CENPP: variants seen among roughly 807,000 people sequenced by gnomAD.
CENPP encodes centromere protein P.
CENPP carries 24 observed loss-of-function variants against 35.6 expected under a neutral mutation model. The observed-to-expected ratio is 0.67, with a 90% CI of 0.49 to 0.95. CENPP has a LOEUF of 0.95. Ranked by LOEUF, CENPP falls within the 40% of genes least tolerant of loss-of-function variation. CENPP has a pLI of 0.00. For synonymous variants in CENPP, 120 were observed against 125.5 expected, an observed-to-expected ratio of 0.96 and a Z score of 0.29; for missense variants, 332 against 345.3, an observed-to-expected ratio of 0.96 and a Z score of 0.31.
chr9:92,612,654 C>A, intron 7 of CENPP, 40 bp downstream of exon 7: 1 of 1,476,782 alleles, frequency 6.8e-7, no homozygotes, highest in Non-Finnish European at 9.5e-7. Context: ...GACTTCTCAA[C>A]ATGCCCAGCA....
At chr9:92,494,118 T>G (rs1456427863) in intron 5 of CENPP, 1 of 1,598,004 alleles carries the variant, frequency 6.3e-7, no homozygotes. Flanking sequence ...GATCTGTTTG[T>G]CACTGTCTCT....
Position 92,393,951 on chromosome 9 carries a change from C to G in CENPP, c.564+14092C>G, listed in dbSNP as rs186136761. On this transcript the variant is annotated intron_variant, in intron 5 of 7. Transcript: ENST00000375587. Reference sequence around the variant, plus strand: ...CCATTCCTGATAATATCTTTGGTCACTTGGTTCAACTAGTATTTGCCATGT... The same window carrying G: ...CCATTCCTGATAATATCTTTGGTCAGTTGGTTCAACTAGTATTTGCCATGT... Among the ~76,000 whole-genome samples, 292 of 152,240 alleles carry G rather than the reference C, an allele frequency of 1.9e-3. 2 individuals carry two copies. Among genetic ancestry groups the G allele is most frequent in the Middle Eastern group, 0.017 (5 of 294 alleles).
At chr9:92,490,021 C>T (rs1846140843) in intron 5 of CENPP, among the ~76,000 whole-genome samples, 1 of 152,236 alleles carries the variant, frequency 6.6e-6, no homozygotes, top group Admixed American at 6.5e-5. Context: ...ATTCACCACA[C>T]TCAGAGGCCT....
intron 5 of CENPP, among the ~76,000 whole-genome samples, chr9:92,520,350 C>T (rs148111276): frequency 1.3e-5 from 2 of 152,168 alleles, no homozygotes; most frequent in Admixed American, 1.3e-4. Flanking sequence ...TGCAGATAGA[C>T]AACATGCACA....
chr9:92,469,798 T>C (rs566876195), intron 5 of CENPP, among the ~76,000 whole-genome samples: 6 of 152,280 alleles, frequency 3.9e-5, no homozygotes, highest in African/African-American at 1.2e-4. Context: ...GAGGTGCTCC[T>C]CCAAACCCAA....
rs183237453 is a variant in CENPP at position 92,448,463 on chromosome 9, G to T, written c.564+68604G>T. 4.6e-5 allele frequency among the ~76,000 whole-genome samples: 7 copies of T among 151,954 alleles called. No individual in the cohort carries two copies. In the South Asian group the frequency reaches 1.3e-3, roughly 27 times the overall value. ...TTTTTTGTATTTTTGGTAGAGACGG[G>T]GTTTCACCATTTTGGCAGGCTGGTC... On this transcript the variant is annotated intron_variant, in intron 5 of 7. Transcript: ENST00000375587.
At chr9:92,358,952 C>CTTTCT (rs1554753601) in intron 4 of CENPP, among the ~76,000 whole-genome samples, 4 of 122,392 alleles carry the variant, frequency 3.3e-5, no homozygotes, top group South Asian at 2.6e-4. Flanking sequence ...TTCTTTCTTT[C>CTTTCT]TTTTTTTTTT....
chr9:92,607,938 T>C (rs1352714460), intron 5 of CENPP, among the ~76,000 whole-genome samples: 1 of 152,092 alleles, frequency 6.6e-6, no homozygotes, highest in East Asian at 1.9e-4. Flanking sequence ...AAATGCAGAC[T>C]CCCCACATAT....
rs865936394 is a variant in CENPP at position 92,431,328 on chromosome 9, G to A, written c.564+51469G>A. Among the ~76,000 whole-genome samples the A allele has an allele frequency of 6.6e-5, 10 of 152,112 alleles. No homozygotes were observed. The South Asian group carries it at 1.4e-3, about 22-fold the overall frequency. ...ATTATTTCCCTTTGACATGCCTGTC[G>A]ATTGATGCACTGTTGGCATTTGATG... On this transcript the variant is annotated intron_variant, in intron 5 of 7. Coordinates refer to ENST00000375587, the MANE Select transcript of CENPP (RefSeq NM_001012267.3).
At chr9:92,523,025 C>A (rs896543858) in intron 5 of CENPP, 1 of 860,640 alleles carries the variant, frequency 1.2e-6, no homozygotes, top group Admixed American at 3.3e-5. Flanking sequence ...GGACTATATG[C>A]TATAGTATTA....
chr9:92,430,311 A>G (rs1269667991), intron 5 of CENPP, among the ~76,000 whole-genome samples: 1 of 152,036 alleles, frequency 6.6e-6, no homozygotes, highest in African/African-American at 2.4e-5. Flanking sequence ...TTTATGTATA[A>G]GGGAAACTGT....
chr9:92,581,109 G>T (rs1850413868), intron 5 of CENPP, among the ~76,000 whole-genome samples: 1 of 152,110 alleles, frequency 6.6e-6, no homozygotes, highest in African/African-American at 2.4e-5. Flanking sequence ...TAGTTGAGCG[G>T]TTTTGAGTGA....
rs1844894962 is a variant in CENPP at position 92,456,835 on chromosome 9, A to G, written c.564+76976A>G. On this transcript the variant is annotated intron_variant, in intron 5 of 7. Coordinates refer to ENST00000375587, the MANE Select transcript of CENPP (RefSeq NM_001012267.3). Reference sequence around the variant, plus strand: ...ATATTACAGTACTACCCAAGTTACTAAAGAATAAGAATAGTGTAATGCACT... The same window carrying G: ...ATATTACAGTACTACCCAAGTTACTGAAGAATAAGAATAGTGTAATGCACT... 6.4e-6 allele frequency: 3 copies of G among 470,404 alleles called. No homozygotes were observed. The South Asian group carries it at 2.8e-4, about 43-fold the overall frequency. 29.1% of individuals were successfully genotyped at this position (470,404 alleles called of 1,614,324 possible).
At chr9:92,504,314 AG>A (rs1846861978) in intron 5 of CENPP, among the ~76,000 whole-genome samples, 1 of 152,178 alleles carries the variant, frequency 6.6e-6, no homozygotes, top group Non-Finnish European at 1.5e-5. Context: ...GGAAATAGGA[AG>A]AAGAGGAAGG....
chr9:92,503,978 C>T (rs765295549), intron 5 of CENPP, among the ~76,000 whole-genome samples: 2 of 152,174 alleles, frequency 1.3e-5, no homozygotes, highest in Non-Finnish European at 1.5e-5. Context: ...CATTTGTGCG[C>T]TTGTATGCCC....
At chr9:92,582,647 C>A (rs1850455184) in intron 5 of CENPP, among the ~76,000 whole-genome samples, 1 of 151,464 alleles carries the variant, frequency 6.6e-6, no homozygotes, top group Non-Finnish European at 1.5e-5. Context: ...AAAAGACACC[C>A]AACCCCATTC....
intron 5 of CENPP, among the ~76,000 whole-genome samples, chr9:92,523,876 AC>A (rs1466087790): frequency 2.0e-5 from 3 of 152,064 alleles, no homozygotes; most frequent in Non-Finnish European, 4.4e-5. Context: ...CTCCTCAGAG[AC>A]CTCTTGTGGC....
chr9:92,489,835 G>A (rs1846138002), intron 5 of CENPP, among the ~76,000 whole-genome samples: 2 of 152,162 alleles, frequency 1.3e-5, no homozygotes, highest in South Asian at 2.1e-4. Flanking sequence ...GAGCCACGCT[G>A]TTGCCAAGGC....
intron 5 of CENPP, among the ~76,000 whole-genome samples, chr9:92,380,651 C>T (rs751497670): frequency 6.6e-6 from 1 of 152,120 alleles, no homozygotes; most frequent in Non-Finnish European, 1.5e-5. Flanking sequence ...GAAACATGGG[C>T]AGTTCTGTAC....
Sources: gnomAD v4.1 joint callset for allele counts (sites outside exome capture counted in the v4.1 genomes callset) on GRCh38, gnomAD v4.1.1 for gene constraint, MANE v1.5 for transcripts, NCBI Gene and HGNC (gene_info 2026-07-23, HGNC 2026-07-21) for gene names.